ORMDL1: variants seen among roughly 807,000 people sequenced by gnomAD.
ORMDL1 encodes the protein ORM1-like protein 1.
A neutral mutation model predicts 13.0 loss-of-function variants in ORMDL1; 10 were observed. The ratio of observed to expected loss-of-function variants is 0.77; its 90% CI spans 0.47 to 1.30. ORMDL1 has a LOEUF of 1.30. ORMDL1 is among the 50% of genes most tolerant of loss of function. The probability of loss-of-function intolerance (pLI) is 0.00; values close to 1 mark genes in which losing one functional copy is unlikely to be tolerated. For synonymous variants in ORMDL1, 61 were observed against 63.9 expected (o/e 0.95, Z 0.22); for missense variants, 171 against 186.7 (o/e 0.92, Z 0.49).
chr2:189,775,158 G>A, intron 4 of ORMDL1: 1 of 154,354 alleles, frequency 6.5e-6, no homozygotes, highest in Non-Finnish European at 1.4e-5. Flanking sequence ...CTTTCCCAAG[G>A]AGTCTGAATA....
downstream of ORMDL1, among the ~76,000 whole-genome samples, chr2:189,769,016 T>TATATAAG (rs1346832708): frequency 3.1e-4 from 47 of 152,328 alleles, no homozygotes; most frequent in African/African-American, 1.1e-3. Flanking sequence ...ATATACTGTC[T>TATATAAG]TATAAGTCCT....
chr2:189,778,523 G>C, intron 3 of ORMDL1: 1 of 445,240 alleles, frequency 2.2e-6, no homozygotes, highest in Non-Finnish European at 4.5e-6. Flanking sequence ...ATGCAGCATG[G>C]GAGTTGTGTA....
intron 3 of ORMDL1, among the ~76,000 whole-genome samples, chr2:189,781,925 A>G (rs1393055973): frequency 6.9e-6 from 1 of 144,914 alleles, no homozygotes; most frequent in Admixed American, 7.3e-5. Context: ...CACATGTCAT[A>G]AAGTTTACCA....
intron 3 of ORMDL1, chr2:189,778,390 G>A (rs577285699): frequency 5.7e-4 from 259 of 451,602 alleles, no homozygotes; most frequent in African/African-American, 4.6e-3. Context: ...GTGAAACTCC[G>A]TCTCAAAAAA....
chr2:189,767,970 A>T (rs1157816370), downstream of ORMDL1, among the ~76,000 whole-genome samples: 3 of 152,242 alleles, frequency 2.0e-5, no homozygotes, highest in Non-Finnish European at 4.4e-5. Flanking sequence ...TACTTGATAC[A>T]TTCAGGATTC....
At chr2:189,769,366 G>A (rs1227114000), downstream of ORMDL1, among the ~76,000 whole-genome samples, 2 of 145,550 alleles carry the variant, frequency 1.4e-5, no homozygotes, top group Admixed American at 7.0e-5. Context: ...CAGCCTGGGC[G>A]ACAAAAAAAA....
Position 189,775,696 on chromosome 2 carries a change from A to C in ORMDL1, c.195T>G (p.His65Gln). The C allele has an allele frequency of 6.2e-7, 1 of 1,613,388 alleles. No homozygotes were observed. Among genetic ancestry groups the C allele is most frequent in the Non-Finnish European group, 8.5e-7 (1 of 1,179,726 alleles). ...IHNLGMYVFL[H>Q]AVKGTPFETP... ...TTTCGAAAGGTGTTCCTTTCACTGC[A>C]TGCAAAAATACGTACATCCCCTGGA... The change falls in exon 4 of 5, where the codon CAT becomes CAG. Residue 65 changes from histidine to glutamine, a missense_variant. Physicochemically the swap from His to Gln is conservative, Grantham distance 24 (BLOSUM62 0). Coordinates refer to ENST00000392349, the MANE Select transcript of ORMDL1 (RefSeq NM_016467.5).
downstream of ORMDL1, among the ~76,000 whole-genome samples, chr2:189,766,278 G>C (rs1222792825): frequency 2.0e-5 from 3 of 152,140 alleles, no homozygotes; most frequent in African/African-American, 7.2e-5. Flanking sequence ...TAACTTTTCT[G>C]AACTTTATTG....
chr2:189,775,790 G>A, intron 3 of ORMDL1, 74 bp from the exon 4 acceptor site: 1 of 1,433,742 alleles, frequency 7.0e-7, no homozygotes, highest in South Asian at 1.4e-5. Flanking sequence ...GCATTAACGA[G>A]GTTCCAAGCT....
At chr2:189,767,455 A>G (rs1051329221), downstream of ORMDL1, among the ~76,000 whole-genome samples, 1 of 152,250 alleles carries the variant, frequency 6.6e-6, no homozygotes. Context: ...GTCAACATAA[A>G]TGCAGAATAT....
At chr2:189,768,293 A>G (rs565746942), downstream of ORMDL1, among the ~76,000 whole-genome samples, 8 of 152,264 alleles carry the variant, frequency 5.3e-5, 1 homozygote, top group East Asian at 1.5e-3. Flanking sequence ...TGTACTATCC[A>G]TGTTATTGTT....
At chr2:189,772,086 A>G (rs1352862677) in intron 4 of ORMDL1, among the ~76,000 whole-genome samples, 184 bp from the exon 5 acceptor site, 1 of 152,208 alleles carries the variant, frequency 6.6e-6, no homozygotes, top group African/African-American at 2.4e-5. Flanking sequence ...GAACTAAAAA[A>G]TTTGTTTAAT....
In ORMDL1 at chr2:189,782,104, G is replaced by T. The variant is rs546757044; in HGVS notation, c.174+318C>A. Among the ~76,000 whole-genome samples the T allele has an allele frequency of 2.3e-3, 355 of 152,074 alleles. 2 individuals are homozygous for T. Among genetic ancestry groups the T allele is most frequent in the Middle Eastern group, 0.01 (3 of 294 alleles). ...ACTACAGGCATGCGCCACCATGCCC[G>T]GCTAATTTTTGTATTTTTAGTAGAG... On this transcript the variant is annotated intron_variant, in intron 3 of 4. Transcript: ENST00000392349.
intron 3 of ORMDL1, among the ~76,000 whole-genome samples, chr2:189,776,424 C>A (rs892667473): frequency 5.9e-5 from 9 of 152,002 alleles, no homozygotes; most frequent in African/African-American, 9.7e-5. Flanking sequence ...TAGAAAAAAA[C>A]CAATCTATAG....
At chr2:189,780,381 G>A (rs2047796847) in intron 3 of ORMDL1, among the ~76,000 whole-genome samples, 2 of 152,188 alleles carry the variant, frequency 1.3e-5, no homozygotes, top group Non-Finnish European at 2.9e-5. Context: ...CAGCTGTCTG[G>A]CTTGGCCTTT....
rs2047583556 is a variant in ORMDL1, at chr2:189,771,746, T to G, written c.*21A>C. ...TAAGAAATTCAGTAGCTGTAAAATT[T>G]TTTTTCAGTTTCAAAACATTTCAAT... On this transcript the variant is annotated 3_prime_UTR_variant, in exon 5 of 5. Coordinates refer to ENST00000392349, the MANE Select transcript of ORMDL1 (RefSeq NM_016467.5). The G allele has an allele frequency of 6.4e-7, 1 of 1,570,678 alleles. No individual in the cohort carries two copies. The highest frequency in any genetic ancestry group is 1.2e-5 in the South Asian group (1 of 83,858).
At chr2:189,778,982 G>A (rs553364747) in intron 3 of ORMDL1, among the ~76,000 whole-genome samples, 1 of 152,238 alleles carries the variant, frequency 6.6e-6, no homozygotes, top group East Asian at 1.9e-4. Flanking sequence ...TCAGGAGTTT[G>A]AGACTAGACT....
chr2:189,774,784 G>C (rs998057198), intron 4 of ORMDL1: 1 of 152,120 alleles, frequency 6.6e-6, no homozygotes, highest in African/African-American at 2.4e-5. Flanking sequence ...GATATGATTT[G>C]AACTGATTTG....
intron 4 of ORMDL1, chr2:189,775,158 G>C (rs1325224863): frequency 1.3e-5 from 2 of 154,236 alleles, no homozygotes; most frequent in African/African-American, 4.8e-5. Context: ...CTTTCCCAAG[G>C]AGTCTGAATA....
Sources: allele counts gnomAD v4.1 joint callset (sites outside exome capture counted in the v4.1 genomes callset), GRCh38; gene constraint gnomAD v4.1.1; transcripts MANE v1.5; gene names NCBI Gene and HGNC (gene_info 2026-07-23, HGNC 2026-07-21).